NAV3: variants seen among roughly 807,000 people sequenced by gnomAD.
The protein encoded by NAV3 is pore membrane and/or filament interacting like protein 1.
A neutral mutation model predicts 244.7 loss-of-function variants in NAV3; 87 were observed. That is an observed-to-expected ratio of 0.36 (90% CI 0.30 to 0.42). The LOEUF is 0.42. NAV3 is among the 20% of genes least tolerant of loss of function. The pLI, the probability that NAV3 is intolerant of heterozygous loss-of-function variation, is 1.00. For missense variants in NAV3, 2,663 were observed against 2,893.3 expected, an observed-to-expected ratio of 0.92 and a Z score of 1.83; for synonymous variants, 1,126 against 1,042.2, an observed-to-expected ratio of 1.08 and a Z score of -1.55.
intron 12 of NAV3, among the ~76,000 whole-genome samples, chr12:78,103,311 T>C (rs1954631905): frequency 6.6e-6 from 1 of 152,190 alleles, no homozygotes; most frequent in Non-Finnish European, 1.5e-5. Flanking sequence ...GAGTCGCCTT[T>C]GCTCCAGTTC....
At chr12:77,775,001 A>C (rs1870278668) in intron 2 of NAV3, among the ~76,000 whole-genome samples, 1 of 152,228 alleles carries the variant, frequency 6.6e-6, no homozygotes, top group South Asian at 2.1e-4. Flanking sequence ...ACTGTGAACA[A>C]ATGGCTGACT....
intron 1 of NAV3, among the ~76,000 whole-genome samples, chr12:77,902,355 A>C (rs1273832078): frequency 2.0e-5 from 3 of 152,198 alleles, no homozygotes; most frequent in Admixed American, 2.0e-4. Context: ...CATGATTTTG[A>C]AACTGAGCCT....
At chr12:78,201,055 C>T (rs1260299744) in intron 38 of NAV3, among the ~76,000 whole-genome samples, 9 of 96,160 alleles carry the variant, frequency 9.4e-5, no homozygotes, top group Admixed American at 2.7e-4. Context: ...CTCTTTCTTT[C>T]TTTGTTTCTT....
intron 3 of NAV3, among the ~76,000 whole-genome samples, chr12:77,952,515 T>C (rs959622157): frequency 5.3e-5 from 8 of 152,144 alleles, no homozygotes; most frequent in Admixed American, 1.3e-4. Context: ...CATGACTTAC[T>C]TCATGTAGGT....
At chr12:77,848,511 G>A (rs149150902) in intron 1 of NAV3, among the ~76,000 whole-genome samples, 2,656 of 152,314 alleles carry the variant, frequency 0.017, 65 homozygotes, top group African/African-American at 0.06. Flanking sequence ...AAAAATCTAT[G>A]AGAAGTCCTT....
intron 30 of NAV3, among the ~76,000 whole-genome samples, chr12:78,185,178 A>G (rs772410801): frequency 7.2e-5 from 11 of 151,792 alleles, no homozygotes; most frequent in African/African-American, 2.7e-4. Flanking sequence ...GTTGACAGTC[A>G]ATTTCAGCAC....
At chr12:77,741,238 G>A (rs573025789) in intron 2 of NAV3, among the ~76,000 whole-genome samples, 13 of 147,520 alleles carry the variant, frequency 8.8e-5, no homozygotes, top group East Asian at 8.0e-4. Flanking sequence ...AGGAGAAACC[G>A]AAAAAAAAGA....
At chr12:77,617,905 G>A (rs574693204) in intron 2 of NAV3, among the ~76,000 whole-genome samples, 2 of 152,292 alleles carry the variant, frequency 1.3e-5, no homozygotes, top group Admixed American at 6.5e-5. Flanking sequence ...TATCTACAGA[G>A]CAGTTAAGGG....
At chr12:77,741,148 C>CAAAAAAAAAAAAAAAAAAAAAAAAAACAA in intron 2 of NAV3, among the ~76,000 whole-genome samples, 1 of 68,668 alleles carries the variant, frequency 1.5e-5, no homozygotes. Context: ...AAAAAAAAGA[C>CAAAAAAAAAAAAAAAAAAAAAAAAAACAA]AAAAAAAAAA....
rs75524604 is a variant in NAV3 at position 78,167,877 on chromosome 12, A to G, written c.4870-878A>G. Among the ~76,000 whole-genome samples, 106 of 151,698 alleles carry G rather than the reference A, an allele frequency of 7.0e-4. 3 individuals carry two copies. In the East Asian group the frequency reaches 0.019, roughly 28 times the overall value. On this transcript the variant is annotated intron_variant, in intron 23 of 39. Coordinates refer to ENST00000397909, the MANE Select transcript of NAV3 (RefSeq NM_001024383.2). Reference sequence around the variant, plus strand: ...ACAATTCTCAGTTCTTTTTCTTTCTATCTTTTTTTGAGTTATTTTATCTTC... The same window carrying G: ...ACAATTCTCAGTTCTTTTTCTTTCTGTCTTTTTTTGAGTTATTTTATCTTC...
chr12:77,849,013 T>C (rs3920423), intron 1 of NAV3, among the ~76,000 whole-genome samples: 59,818 of 152,044 alleles, frequency 0.39, 13,652 homozygotes, highest in Non-Finnish European at 0.5. Context: ...AATAGTGATG[T>C]TTTCTTTTAT....
intron 1 of NAV3, among the ~76,000 whole-genome samples, chr12:77,933,128 T>G (rs909393160): frequency 6.6e-6 from 1 of 152,224 alleles, no homozygotes; most frequent in Non-Finnish European, 1.5e-5. Context: ...ACATTTTTTT[T>G]GAAGTTAAGT....
chr12:78,120,996 G>T (rs1955643340), intron 15 of NAV3, among the ~76,000 whole-genome samples: 1 of 152,126 alleles, frequency 6.6e-6, no homozygotes, highest in African/African-American at 2.4e-5. Flanking sequence ...TTCTCATTGG[G>T]AAGAATGAAT....
chr12:77,975,428 T>C (rs1349074613), intron 5 of NAV3, among the ~76,000 whole-genome samples: 1 of 152,172 alleles, frequency 6.6e-6, no homozygotes, highest in East Asian at 1.9e-4. Flanking sequence ...TACCAGTAAT[T>C]TGACAGCTGA....
intron 12 of NAV3, among the ~76,000 whole-genome samples, chr12:78,082,874 C>G (rs1225743169): frequency 6.6e-6 from 1 of 152,122 alleles, no homozygotes; most frequent in African/African-American, 2.4e-5. Flanking sequence ...CTGCCTCTCC[C>G]CTGAAGACTC....
chr12:77,811,127 A>G (rs1030359917), intron 2 of NAV3, among the ~76,000 whole-genome samples: 4 of 152,258 alleles, frequency 2.6e-5, no homozygotes, highest in Non-Finnish European at 1.5e-5. Flanking sequence ...TACAAATTCT[A>G]AAACTTAGTT....
rs191358030 is a variant in NAV3, at chr12:77,988,598, G to A, written c.672-6205G>A. Among the ~76,000 whole-genome samples the A allele has an allele frequency of 4.3e-4, 65 of 152,280 alleles. 2 individuals are homozygous for A. In the East Asian group the frequency reaches 5.2e-3, roughly 12 times the overall value. ...TACTTCTTTTAGTAGGATCCACAAT[G>A]AGCCTCAAAATGTTTACTTCTTTTG... On this transcript the variant is annotated intron_variant, in intron 5 of 39. Transcript: ENST00000397909.
chr12:77,873,647 A>G (rs1326900628), intron 1 of NAV3, among the ~76,000 whole-genome samples: 1 of 139,560 alleles, frequency 7.2e-6, no homozygotes, highest in South Asian at 2.4e-4. Context: ...GAAAAGAAAT[A>G]GTATTTTTAT....
chr12:78,112,574 T>A (rs1389379605), intron 12 of NAV3, among the ~76,000 whole-genome samples: 2 of 151,978 alleles, frequency 1.3e-5, no homozygotes, highest in African/African-American at 4.8e-5. Context: ...TATAAAACTA[T>A]CAAATCCCAT....
Sources: allele counts gnomAD v4.1 joint callset (sites outside exome capture counted in the v4.1 genomes callset), GRCh38; gene constraint gnomAD v4.1.1; transcripts MANE v1.5; gene names NCBI Gene and HGNC (gene_info 2026-07-23, HGNC 2026-07-21).